Variants in MAPK4 observed in about 807,000 individuals in gnomAD.
MAPK4 encodes Erk3-related.
Under a neutral mutation model 47.7 loss-of-function variants are expected in MAPK4, and 22 were observed. The ratio of observed to expected loss-of-function variants is 0.46; its 90% CI spans 0.33 to 0.66. MAPK4 has a LOEUF of 0.66. Ranked by LOEUF, MAPK4 falls within the 30% of genes least tolerant of loss-of-function variation. The probability of loss-of-function intolerance (pLI) is 0.02; values close to 1 mark genes in which losing one functional copy is unlikely to be tolerated. For missense variants in MAPK4, 736 were observed against 831.7 expected (o/e 0.88, Z 1.42); for synonymous variants, 390 against 365.7 (o/e 1.07, Z -0.76).
chr18:50,681,396 C>T (rs563173006), intron 2 of MAPK4, among the ~76,000 whole-genome samples: 14 of 152,192 alleles, frequency 9.2e-5, no homozygotes, highest in African/African-American at 2.6e-4. Flanking sequence ...TTGATGTTGT[C>T]CTTTGAAGCA....
At chr18:50,708,987 T>A (rs1165214218) in intron 2 of MAPK4, among the ~76,000 whole-genome samples, 2 of 152,210 alleles carry the variant, frequency 1.3e-5, no homozygotes, top group African/African-American at 2.4e-5. Flanking sequence ...TTAGCTGGTA[T>A]TATCATGTTG....
chr18:50,707,998 C>A (rs543179830), intron 2 of MAPK4, among the ~76,000 whole-genome samples: 16 of 152,328 alleles, frequency 1.1e-4, no homozygotes, highest in African/African-American at 3.1e-4. Context: ...CAAACGATTT[C>A]TTCACCCATG....
intron 1 of MAPK4, among the ~76,000 whole-genome samples, chr18:50,573,394 G>T (rs2042266703): frequency 6.6e-6 from 1 of 152,188 alleles, no homozygotes; most frequent in African/African-American, 2.4e-5. Context: ...CCCATGGCTT[G>T]CATGACTGCC....
intron 2 of MAPK4, among the ~76,000 whole-genome samples, chr18:50,709,989 C>G (rs907504656): frequency 6.6e-6 from 1 of 152,108 alleles, no homozygotes; most frequent in African/African-American, 2.4e-5. Flanking sequence ...CCTTAGGCTC[C>G]CAGGACACAT....
chr18:50,710,284 A>T (rs1598940207), intron 2 of MAPK4, among the ~76,000 whole-genome samples: 1 of 151,850 alleles, frequency 6.6e-6, no homozygotes, highest in Non-Finnish European at 1.5e-5. Context: ...GGAGTTCGAA[A>T]CCAGCCTGGG....
intron 1 of MAPK4, among the ~76,000 whole-genome samples, chr18:50,605,003 A>T (rs925311056): frequency 9.9e-5 from 15 of 152,216 alleles, no homozygotes; most frequent in Non-Finnish European, 1.8e-4. Flanking sequence ...GTGCAGGAGG[A>T]TGGTAGTTAC....
At chr18:50,639,370 C>T (rs560378018) in intron 1 of MAPK4, among the ~76,000 whole-genome samples, 1 of 152,276 alleles carries the variant, frequency 6.6e-6, no homozygotes, top group East Asian at 1.9e-4. Context: ...CCATGGTGTT[C>T]ACTGAGTGGG....
In MAPK4 at chr18:50,632,616, A is replaced by ATTT. The variant is rs10531891; in HGVS notation, c.-870-30454_-870-30452dup. Among the ~76,000 whole-genome samples, 153 of 122,296 alleles carry ATTT rather than the reference A, an allele frequency of 1.3e-3. 1 individual carries two copies. The highest frequency in any genetic ancestry group is 4.2e-3 in the Middle Eastern group (1 of 236). 80.2% of individuals were successfully genotyped at this position (122,296 alleles called of 152,430 possible). On this transcript the variant is annotated intron_variant, in intron 1 of 5. Transcript: ENST00000400384. ...AAGGACAGAGACTGAGTCTGGTTTA[A>ATTT]TTTTTTTTTTTTTTTTTTTTTGAGA...
At chr18:50,719,836 C>T (rs986725589) in intron 3 of MAPK4, among the ~76,000 whole-genome samples, 1 of 152,200 alleles carries the variant, frequency 6.6e-6, no homozygotes, top group African/African-American at 2.4e-5. Context: ...ACGAGATGGT[C>T]GCAATCGCTT....
In MAPK4 at chr18:50,711,586, T is replaced by C. The variant is rs186737527; in HGVS notation, c.547-3493T>C. On this transcript the variant is annotated intron_variant, in intron 2 of 5. Coordinates refer to ENST00000400384, the MANE Select transcript of MAPK4 (RefSeq NM_002747.4). ...GACGCACCCACTTGTGCGCCAAGTG[T>C]GCCTGCTGTCCTGCTCACTCCCTCC... Among the ~76,000 whole-genome samples, 544 of 152,352 alleles carry C rather than the reference T, an allele frequency of 3.6e-3. 13 individuals carry two copies. The highest frequency in any genetic ancestry group is 0.032 in the Admixed American group (483 of 15,314).
At chr18:50,722,465 C>T (rs985602772) in intron 4 of MAPK4, among the ~76,000 whole-genome samples, 1 of 152,216 alleles carries the variant, frequency 6.6e-6, no homozygotes, top group African/African-American at 2.4e-5. Flanking sequence ...GACCCAGGTC[C>T]CATTCCACCA....
Position 50,715,129 on chromosome 18 carries a change from G to A in MAPK4, c.597G>A (p.Leu199=). The change falls in exon 3 of 6, where the codon CTG becomes CTA. Residue 199 remains leucine (L), a synonymous_variant. Transcript: ENST00000400384. ...LVTKWYRSPR[L]LLSPNNYTKA... is the part of the protein sequence containing the mutation. ...CAAAGTGGTACCGTTCCCCACGACT[G>A]CTCCTTTCCCCCAATAACTACACCA... 6.2e-7 allele frequency: 1 copy of A among 1,614,162 alleles called. No homozygotes were observed. The highest frequency in any genetic ancestry group is 8.5e-7 in the Non-Finnish European group (1 of 1,180,016).
intron 1 of MAPK4, among the ~76,000 whole-genome samples, chr18:50,611,920 A>T (rs1490634501): frequency 2.6e-5 from 4 of 152,130 alleles, no homozygotes; most frequent in Non-Finnish European, 5.9e-5. Context: ...CCTCAGGCAC[A>T]CTCCATAATC....
At chr18:50,610,720 C>T (rs776091080) in intron 1 of MAPK4, among the ~76,000 whole-genome samples, 7 of 152,140 alleles carry the variant, frequency 4.6e-5, no homozygotes, top group Admixed American at 6.5e-5. Flanking sequence ...ATTGATAAAA[C>T]GATGAGACTG....
At position 50,699,146 on chromosome 18, in the gene MAPK4, A is replaced by T. The variant is rs555246380; in HGVS notation, c.547-15933A>T. ...TTTGACTTACCAGAAACAAAGGAGGAAAAAAAGACCCCATGATCATCTCAA... is the reference window on the plus strand; with the variant it reads ...TTTGACTTACCAGAAACAAAGGAGGTAAAAAAGACCCCATGATCATCTCAA... On this transcript the variant is annotated intron_variant, in intron 2 of 5. Transcript: ENST00000400384. Among the ~76,000 whole-genome samples the T allele has an allele frequency of 5.9e-5, 9 of 152,292 alleles. No homozygotes were observed. In the South Asian group the frequency reaches 1.9e-3, roughly 32 times the overall value.
At chr18:50,625,725 T>C (rs77938671) in intron 1 of MAPK4, among the ~76,000 whole-genome samples, 1,735 of 152,030 alleles carry the variant, frequency 0.011, 30 homozygotes, top group African/African-American at 0.038. Flanking sequence ...TTATACAGCA[T>C]TGGGAGATCC....
chr18:50,683,453 GGTGT>G (rs3045776), intron 2 of MAPK4, among the ~76,000 whole-genome samples: 14,074 of 142,130 alleles, frequency 0.099, 680 homozygotes, highest in East Asian at 0.17. Flanking sequence ...TTGGTGATGG[GGTGT>G]GTGTGTGTGT....
chr18:50,645,644 C>A (rs1237858814), intron 1 of MAPK4, among the ~76,000 whole-genome samples: 1 of 152,164 alleles, frequency 6.6e-6, no homozygotes, highest in Non-Finnish European at 1.5e-5. Flanking sequence ...TCAAGGGGTG[C>A]ATGGCAAGCC....
intron 2 of MAPK4, among the ~76,000 whole-genome samples, chr18:50,684,774 G>T (rs1433898462): frequency 1.3e-5 from 2 of 152,082 alleles, no homozygotes; most frequent in Non-Finnish European, 2.9e-5. Context: ...TGGGTGAACA[G>T]CCTTGGGAAC....
Sources: allele counts gnomAD v4.1 joint callset (sites outside exome capture counted in the v4.1 genomes callset), GRCh38; gene constraint gnomAD v4.1.1; transcripts MANE v1.5; gene names NCBI Gene and HGNC (gene_info 2026-07-23, HGNC 2026-07-21).